The following MATN2 variants were observed in gnomAD, a reference collection of about 807,000 sequenced individuals.
The protein encoded by MATN2 is matrilin 2.
MATN2 carries 69 observed loss-of-function variants against 103.2 expected under a neutral mutation model. The ratio of observed to expected loss-of-function variants is 0.67; its 90% CI spans 0.55 to 0.82. The LOEUF (loss-of-function observed/expected upper bound fraction) is 0.82, where lower values mean the gene tolerates loss of function less well. Among genes scored for constraint, MATN2 ranks in the 40% least tolerant of loss-of-function variants. The pLI, the probability that MATN2 is intolerant of heterozygous loss-of-function variation, is 0.00. For missense variants in MATN2, 1,023 were observed against 1,211.5 expected, an observed-to-expected ratio of 0.84 and a Z score of 2.31; for synonymous variants, 429 against 450.2, an observed-to-expected ratio of 0.95 and a Z score of 0.60.
chr8:98,018,414 A>G (rs1051376870), intron 12 of MATN2, among the ~76,000 whole-genome samples: 1 of 152,308 alleles, frequency 6.6e-6, no homozygotes, highest in Non-Finnish European at 1.5e-5. Flanking sequence ...TAGTCACTGG[A>G]CTGAATTAGA....
intron 8 of MATN2, among the ~76,000 whole-genome samples, chr8:98,004,886 C>A (rs944307085): frequency 3.9e-5 from 6 of 152,204 alleles, no homozygotes; most frequent in African/African-American, 9.6e-5. Context: ...ACCATCTCCA[C>A]GGGTCCTGGC....
chr8:98,027,285 T>C, intron 13 of MATN2, 131 bp from the exon 14 acceptor site: 1 of 683,044 alleles, frequency 1.5e-6, no homozygotes, highest in African/African-American at 1.8e-5. Context: ...TCATCTATCC[T>C]GTGTATTATC....
At chr8:97,988,167 A>ATATATAT (rs1187704584) in intron 6 of MATN2, among the ~76,000 whole-genome samples, 1 of 59,368 alleles carries the variant, frequency 1.7e-5, no homozygotes, top group African/African-American at 8.3e-5. Context: ...AAAAAAAAAA[A>ATATATAT]AAAAATATAT....
At chr8:98,016,912 A>G (rs548165052) in intron 11 of MATN2, among the ~76,000 whole-genome samples, 1 of 152,370 alleles carries the variant, frequency 6.6e-6, no homozygotes, top group East Asian at 1.9e-4. Context: ...CAAATGGACC[A>G]TACTCATGTG....
intron 4 of MATN2, among the ~76,000 whole-genome samples, chr8:97,958,641 C>T (rs4398884): frequency 0.054 from 8,265 of 152,248 alleles, 765 homozygotes; most frequent in African/African-American, 0.19. Flanking sequence ...ACTCAGAAAC[C>T]TACTGCTGTT....
At chr8:97,983,850 T>C (rs1423080372) in intron 6 of MATN2, among the ~76,000 whole-genome samples, 1 of 152,216 alleles carries the variant, frequency 6.6e-6, no homozygotes, top group Non-Finnish European at 1.5e-5. Flanking sequence ...TGGGGTCTGC[T>C]ATGTTGCTCA....
At chr8:97,939,340 C>A (rs899069215) in intron 3 of MATN2, among the ~76,000 whole-genome samples, 1 of 152,144 alleles carries the variant, frequency 6.6e-6, no homozygotes, top group Non-Finnish European at 1.5e-5. Flanking sequence ...CCATTTTAAA[C>A]CGCAAAATCA....
chr8:97,908,050 A>G (rs928927507), intron 2 of MATN2, among the ~76,000 whole-genome samples: 1 of 152,122 alleles, frequency 6.6e-6, no homozygotes, highest in Non-Finnish European at 1.5e-5. Flanking sequence ...CCTTGTGGTA[A>G]AAGATGGGCC....
At chr8:97,965,950 C>T (rs1030019668) in intron 5 of MATN2, among the ~76,000 whole-genome samples, 6 of 152,028 alleles carry the variant, frequency 3.9e-5, no homozygotes, top group Admixed American at 2.6e-4. Context: ...CACCATTGCA[C>T]TCCAGCCTGG....
intron 7 of MATN2, among the ~76,000 whole-genome samples, chr8:98,002,256 A>C (rs753843809): frequency 1.3e-5 from 2 of 152,190 alleles, no homozygotes; most frequent in Non-Finnish European, 2.9e-5. Context: ...GGATAGAGTG[A>C]CCTTACCATA....
chr8:97,970,095 C>A (rs1405992571), intron 5 of MATN2, among the ~76,000 whole-genome samples: 1 of 152,196 alleles, frequency 6.6e-6, no homozygotes, highest in Non-Finnish European at 1.5e-5. Context: ...ACTGCTCTTG[C>A]AGAGCAGGGC....
chr8:97,879,701 A>C (rs1414760335), intron 1 of MATN2, among the ~76,000 whole-genome samples: 3 of 152,234 alleles, frequency 2.0e-5, no homozygotes, highest in Admixed American at 6.5e-5. Context: ...TGGGGTTAGC[A>C]TGACCATGAA....
chr8:97,993,138 C>G (rs1347321932), intron 6 of MATN2, among the ~76,000 whole-genome samples: 1 of 152,058 alleles, frequency 6.6e-6, no homozygotes, highest in Non-Finnish European at 1.5e-5. Context: ...GTATATTTTG[C>G]TTAACATTTC....
chr8:98,024,018 C>T (rs1273443717), intron 13 of MATN2, among the ~76,000 whole-genome samples: 1 of 152,082 alleles, frequency 6.6e-6, no homozygotes, highest in Non-Finnish European at 1.5e-5. Flanking sequence ...GGGAGGGGAA[C>T]AACACACACC....
chr8:97,974,510 G>T (rs1247949698), intron 5 of MATN2, among the ~76,000 whole-genome samples: 3 of 151,584 alleles, frequency 2.0e-5, no homozygotes, highest in South Asian at 2.1e-4. Context: ...GCAGTGGCAC[G>T]ATCTTGGCTC....
intron 5 of MATN2, among the ~76,000 whole-genome samples, chr8:97,964,558 C>T (rs1463523544): frequency 6.6e-6 from 1 of 151,226 alleles, no homozygotes. Flanking sequence ...CCCACCTCAG[C>T]CTCCTGAGTA....
intron 15 of MATN2, 64 bp from the exon 16 acceptor site, chr8:98,032,181 TC>T: frequency 1.7e-5 from 23 of 1,350,122 alleles, no homozygotes; most frequent in Non-Finnish European, 2.4e-5. Flanking sequence ...GGGACCAGCT[TC>T]CTGAAGAACA....
At chr8:97,941,186 G>GAAAAAAA (rs1274606689) in intron 3 of MATN2, among the ~76,000 whole-genome samples, 1 of 70,084 alleles carries the variant, frequency 1.4e-5, no homozygotes, top group Non-Finnish European at 2.4e-5. Flanking sequence ...AAAAAAAAAA[G>GAAAAAAA]AAAGAAAGAA....
At chr8:97,935,698 G>T (rs1162202745) in intron 3 of MATN2, among the ~76,000 whole-genome samples, 1 of 152,090 alleles carries the variant, frequency 6.6e-6, no homozygotes, top group Non-Finnish European at 1.5e-5. Context: ...ATGTTGCCTA[G>T]GCTGGTCTTG....
Sources: allele counts gnomAD v4.1 joint callset (sites outside exome capture counted in the v4.1 genomes callset), GRCh38; gene constraint gnomAD v4.1.1; transcripts MANE v1.5; gene names NCBI Gene and HGNC (gene_info 2026-07-23, HGNC 2026-07-21).